The following PALM2AKAP2 variants were observed in gnomAD, a reference collection of about 807,000 sequenced individuals.
PALM2AKAP2 encodes the protein PALM2-AKAP2 fusion protein.
Under a neutral mutation model 71.5 loss-of-function variants are expected in PALM2AKAP2, and 37 were observed. The ratio of observed to expected loss-of-function variants is 0.52; its 90% CI spans 0.40 to 0.68. The LOEUF (loss-of-function observed/expected upper bound fraction) is 0.68, where lower values mean the gene tolerates loss of function less well. Ranked by LOEUF, PALM2AKAP2 falls within the 30% of genes least tolerant of loss-of-function variation. The probability of loss-of-function intolerance (pLI) is 0.00; values close to 1 mark genes in which losing one functional copy is unlikely to be tolerated. For synonymous variants in PALM2AKAP2, 468 were observed against 478.8 expected (o/e 0.98, Z 0.29); for missense variants, 1,224 against 1,191.8 (o/e 1.03, Z -0.40).
intron 3 of PALM2AKAP2, among the ~76,000 whole-genome samples, chr9:109,903,868 A>G (rs1830384486): frequency 6.6e-6 from 1 of 152,104 alleles, no homozygotes; most frequent in Non-Finnish European, 1.5e-5. Flanking sequence ...GAAGCCAATA[A>G]TCAACACTTT....
intron 1 of PALM2AKAP2, among the ~76,000 whole-genome samples, chr9:109,731,456 C>T (rs1268599741): frequency 6.6e-6 from 1 of 152,156 alleles, no homozygotes; most frequent in Non-Finnish European, 1.5e-5. Context: ...CTCCAATACC[C>T]TAACACAATC....
At chr9:110,142,932 A>C (rs1272588597) in intron 2 of PALM2AKAP2, among the ~76,000 whole-genome samples, 3 of 152,230 alleles carry the variant, frequency 2.0e-5, no homozygotes, top group African/African-American at 7.2e-5. Context: ...TCCTGCCTTC[A>C]CTGTGAGTTG....
intron 1 of PALM2AKAP2, among the ~76,000 whole-genome samples, chr9:109,810,478 GC>G (rs1414764681): frequency 1.3e-5 from 2 of 152,196 alleles, no homozygotes; most frequent in Non-Finnish European, 2.9e-5. Context: ...GAAATCTGAG[GC>G]CAGAGGATTG....
chr9:110,082,374 C>G (rs1228781974), intron 1 of PALM2AKAP2, among the ~76,000 whole-genome samples: 2 of 152,120 alleles, frequency 1.3e-5, no homozygotes, highest in Non-Finnish European at 2.9e-5. Flanking sequence ...GGCGTCTTAA[C>G]ATAAGAGGGT....
chr9:110,077,456 T>G (rs1041930991), intron 1 of PALM2AKAP2, among the ~76,000 whole-genome samples: 2 of 151,956 alleles, frequency 1.3e-5, no homozygotes, highest in Non-Finnish European at 1.5e-5. Flanking sequence ...ATGAGAAACC[T>G]TAGACAGAAA....
At chr9:109,884,278 A>G (rs968945963) in intron 3 of PALM2AKAP2, among the ~76,000 whole-genome samples, 2 of 152,308 alleles carry the variant, frequency 1.3e-5, no homozygotes, top group East Asian at 1.9e-4. Context: ...CCTGCTCAAC[A>G]TGGCAAAACC....
chr9:110,049,683 G>A (rs1833672042), intron 1 of PALM2AKAP2, among the ~76,000 whole-genome samples: 1 of 152,224 alleles, frequency 6.6e-6, no homozygotes, highest in Non-Finnish European at 1.5e-5. Flanking sequence ...TAATGTCCGT[G>A]GAGGCGACGC....
In PALM2AKAP2 at chr9:109,726,275, C is replaced by A. The variant is rs367671229; in HGVS notation, c.6-54213C>A. ...AGCTAGTGACTGAAAGCAGCAGGTG[C>A]CATGTAGAATCCAGTCTGGTTGTGG... On this transcript the variant is annotated intron_variant, in intron 1 of 6. Coordinates refer to the PALM2AKAP2 transcript ENST00000374531. 3.3e-5 allele frequency among the ~76,000 whole-genome samples: 5 copies of A among 152,286 alleles called. No homozygotes were observed. In the East Asian group the frequency reaches 9.6e-4, roughly 29 times the overall value.
intron 6 of PALM2AKAP2, chr9:109,943,382 G>C: frequency 6.2e-7 from 1 of 1,612,978 alleles, no homozygotes; most frequent in Non-Finnish European, 8.5e-7. Flanking sequence ...CCAGCCCCAG[G>C]TACCCAAAAG....
intron 1 of PALM2AKAP2, among the ~76,000 whole-genome samples, chr9:109,709,970 A>G (rs970238939): frequency 6.6e-6 from 1 of 152,216 alleles, no homozygotes; most frequent in Non-Finnish European, 1.5e-5. Flanking sequence ...TGGATTACCC[A>G]GATGGGCCCT....
At chr9:110,073,724 C>T (rs1834259654) in intron 1 of PALM2AKAP2, among the ~76,000 whole-genome samples, 1 of 152,162 alleles carries the variant, frequency 6.6e-6, no homozygotes, top group Admixed American at 6.5e-5. Flanking sequence ...TGGGATTTCC[C>T]TCCCCAGAGT....
chr9:110,036,479 T>C (rs754869590), intron 7 of PALM2AKAP2, among the ~76,000 whole-genome samples: 7 of 152,170 alleles, frequency 4.6e-5, no homozygotes, highest in Non-Finnish European at 1.0e-4. Context: ...CACTCCACCA[T>C]TACCATTCTG....
At chr9:110,039,634 A>T (rs1833477456) in intron 7 of PALM2AKAP2, among the ~76,000 whole-genome samples, 1 of 152,150 alleles carries the variant, frequency 6.6e-6, no homozygotes, top group South Asian at 2.1e-4. Flanking sequence ...CATGTCTCTA[A>T]CATTTTGATA....
chr9:109,881,078 T>G (rs140752923), intron 3 of PALM2AKAP2, among the ~76,000 whole-genome samples: 1 of 152,296 alleles, frequency 6.6e-6, no homozygotes, highest in East Asian at 1.9e-4. Context: ...TGTTGTTCCC[T>G]TCTACGTGTC....
rs375926132 is a variant in PALM2AKAP2, at chr9:110,071,347, C to T, written c.156+22492C>T. ...AATAAAATTCTTATGGTTGCTTTAGCGAGGTCCCAAATGTTATTTTCTTCT... is the reference window on the plus strand; with the variant it reads ...AATAAAATTCTTATGGTTGCTTTAGTGAGGTCCCAAATGTTATTTTCTTCT... On this transcript the variant is annotated intron_variant, in intron 1 of 3. Coordinates refer to ENST00000374525, the Ensembl canonical transcript of PALM2AKAP2. Among the ~76,000 whole-genome samples, 89 of 152,168 alleles carry T rather than the reference C, an allele frequency of 5.8e-4. 1 individual carries two copies. The highest frequency in any genetic ancestry group is 1.6e-3 in the African/African-American group (67 of 41,510).
intron 1 of PALM2AKAP2, among the ~76,000 whole-genome samples, chr9:109,827,537 A>T (rs1430660473): frequency 1.3e-5 from 2 of 152,128 alleles, no homozygotes; most frequent in Non-Finnish European, 2.9e-5. Flanking sequence ...TGAACCTGGG[A>T]GGCAGAGGTT....
At chr9:109,747,595 T>C (rs2118702350) in intron 1 of PALM2AKAP2, among the ~76,000 whole-genome samples, 1 of 152,352 alleles carries the variant, frequency 6.6e-6, no homozygotes, top group East Asian at 1.9e-4. Context: ...CTGATGCATA[T>C]ATGAGTTAGA....
At chr9:109,694,878 A>G (rs1827948087) in intron 1 of PALM2AKAP2, among the ~76,000 whole-genome samples, 1 of 152,136 alleles carries the variant, frequency 6.6e-6, no homozygotes, top group Admixed American at 6.5e-5. Flanking sequence ...CCAAATACTT[A>G]TAGGAACTTA....
chr9:109,952,911 G>T (rs1032147946), intron 6 of PALM2AKAP2, among the ~76,000 whole-genome samples: 7 of 152,180 alleles, frequency 4.6e-5, no homozygotes, highest in Admixed American at 3.3e-4. Context: ...TTTATTAAAA[G>T]CACTGTGTAA....
Sources: allele counts gnomAD v4.1 joint callset (sites outside exome capture counted in the v4.1 genomes callset), GRCh38; gene constraint gnomAD v4.1.1; transcripts MANE v1.5; gene names NCBI Gene and HGNC (gene_info 2026-07-23, HGNC 2026-07-21).